The following SOS2 variants were observed in gnomAD, a reference collection of about 807,000 sequenced individuals.
SOS2 encodes son of sevenless homolog 2.
Under a neutral mutation model 148.2 loss-of-function variants are expected in SOS2, and 65 were observed. The observed-to-expected ratio is 0.44, with a 90% confidence interval of 0.36 to 0.54. The LOEUF (loss-of-function observed/expected upper bound fraction) is 0.54. Ranked by LOEUF, SOS2 falls within the 20% of genes least tolerant of loss-of-function variation. SOS2 has a pLI of 0.00. For synonymous variants in SOS2, 539 were observed against 537.1 expected (o/e 1.00, Z -0.05); for missense variants, 1,341 against 1,590.2 (o/e 0.84, Z 2.67).
chr14:50,213,852 T>C (rs1436041462), intron 1 of SOS2, among the ~76,000 whole-genome samples: 17 of 148,858 alleles, frequency 1.1e-4, no homozygotes. Flanking sequence ...TTTGTGCCAC[T>C]GCACTCCAGT....
In SOS2 at chr14:50,150,228, T is replaced by A; in HGVS notation, c.2164A>T (p.Lys722Ter). The change falls in exon 14 of 23, where the codon AAA (lysine) becomes TAA (stop). Residue 722 changes from lysine (K) to a stop codon, truncating the protein, a stop_gained and splice_region_variant. Transcript: ENST00000216373. LOFTEE classifies it high-confidence loss of function. ...LESFISSVRG[K>*]AMKKWVESIA... The stretch of plus-strand genomic sequence containing the variant: ...GACTCTACCCATTTTTTCATAGCTT[T>A]CCCTGGAAAAAGAACACATAAAGAA... The A allele has an allele frequency of 6.3e-7, 1 of 1,596,164 alleles. No individual in the cohort carries two copies. The highest frequency in any genetic ancestry group is 1.1e-5 in the South Asian group (1 of 90,594).
chr14:50,169,564 T>A (rs936388497), intron 8 of SOS2, among the ~76,000 whole-genome samples: 2 of 151,832 alleles, frequency 1.3e-5, no homozygotes, highest in Non-Finnish European at 2.9e-5. Flanking sequence ...CACTTGAACC[T>A]GGGAGGCAGA....
At chr14:50,208,327 C>T (rs1231069212) in intron 1 of SOS2, among the ~76,000 whole-genome samples, 1 of 151,724 alleles carries the variant, frequency 6.6e-6, no homozygotes, top group Non-Finnish European at 1.5e-5. Context: ...TCTTTGTGAA[C>T]TTCTTTCATT....
chr14:50,219,959 A>T (rs940616118), intron 1 of SOS2, among the ~76,000 whole-genome samples: 1 of 151,790 alleles, frequency 6.6e-6, no homozygotes, highest in African/African-American at 2.4e-5. Context: ...GGCTCAAGTG[A>T]TCCTTCCACC....
chr14:50,189,850 A>ATT (rs67295878), intron 4 of SOS2, among the ~76,000 whole-genome samples: 1,770 of 126,244 alleles, frequency 0.014, 40 homozygotes, highest in African/African-American at 0.049. Flanking sequence ...TTTATTTTTT[A>ATT]TTTTTTTTTT....
chr14:50,176,624 A>G (rs1366870637), intron 7 of SOS2, among the ~76,000 whole-genome samples: 4 of 152,230 alleles, frequency 2.6e-5, no homozygotes, highest in Admixed American at 1.3e-4. Flanking sequence ...TAATTTCCTA[A>G]TAACTATAAG....
intron 8 of SOS2, among the ~76,000 whole-genome samples, chr14:50,162,826 C>G (rs536840737): frequency 6.6e-6 from 1 of 152,074 alleles, no homozygotes; most frequent in South Asian, 2.1e-4. Context: ...TTGTATTTCA[C>G]TCTCAGAAAG....
In SOS2 at chr14:50,117,919, CAA is replaced by C. The variant is rs1442848142; in HGVS notation, c.*423_*424del. 1 of 154,692 alleles carries C rather than the reference CAA, an allele frequency of 6.5e-6. No individual in the cohort carries two copies. The highest frequency in any genetic ancestry group is 1.4e-5 in the Non-Finnish European group (1 of 69,890). The allele number at this position is 154,692 out of a possible 1,614,324, so 9.6% of individuals were successfully genotyped here. A position where few individuals can be genotyped will look rare whatever the true frequency, so the allele number is the denominator to read the frequency against. On this transcript the variant is annotated 3_prime_UTR_variant, in exon 23 of 23. Transcript: ENST00000216373. The stretch of plus-strand genomic sequence containing the variant: ...CTAGAAGTAAAAACTAGAAGATGGT[CAA>C]AGAGGTTTAAAAATCAGTAACACCA...
At chr14:50,196,362 AC>A (rs1886310840) in intron 4 of SOS2, among the ~76,000 whole-genome samples, 1 of 152,238 alleles carries the variant, frequency 6.6e-6, no homozygotes, top group South Asian at 2.1e-4. Flanking sequence ...TATAATGCAC[AC>A]ATCAGAATAA....
At position 50,118,658 on chromosome 14, in the gene SOS2, T is replaced by C; in HGVS notation, c.3685A>G (p.Asn1229Asp). The change falls in exon 23 of 23, where the codon AAC becomes GAC. Residue 1229 changes from asparagine to aspartate, a missense_variant. By Grantham distance (23) the Asn-to-Asp change is conservative. This residue lies in a region of SOS2 where 354 missense variants were observed against 347.7 expected (regional missense o/e 1.02). Coordinates refer to ENST00000216373, the MANE Select transcript of SOS2 (RefSeq NM_006939.4). ...VPLRPPEHFI[N>D]CPFNLQPPPL... is the part of the protein sequence containing the mutation. The stretch of plus-strand genomic sequence containing the variant: ...GGTGGCTGAAGATTAAATGGACAGT[T>C]TATAAAGTGTTCTGGAGGCCGAAGG... 1 of 1,613,802 alleles carries C rather than the reference T, an allele frequency of 6.2e-7. No homozygotes were observed. The highest frequency in any genetic ancestry group is 1.1e-5 in the South Asian group (1 of 91,058).
intron 5 of SOS2, among the ~76,000 whole-genome samples, chr14:50,187,684 T>A (rs559903711): frequency 6.6e-6 from 1 of 152,156 alleles, no homozygotes; most frequent in African/African-American, 2.4e-5. Flanking sequence ...GCCAAACACA[T>A]AGACATGGAA....
At chr14:50,201,107 T>A (rs368740169) in intron 2 of SOS2, 23 bp from the exon 3 acceptor site, 27 of 1,607,886 alleles carry the variant, frequency 1.7e-5, no homozygotes, top group Non-Finnish European at 2.3e-5. Context: ...AGCAGAACCA[T>A]TGTAGTATTA....
intron 4 of SOS2, among the ~76,000 whole-genome samples, chr14:50,193,831 G>A (rs976540017): frequency 6.6e-6 from 1 of 150,974 alleles, no homozygotes; most frequent in Non-Finnish European, 1.5e-5. Flanking sequence ...TGCAACCTCC[G>A]CCTCCCAGGT....
At chr14:50,208,894 C>T (rs1047282021) in intron 1 of SOS2, among the ~76,000 whole-genome samples, 4 of 152,104 alleles carry the variant, frequency 2.6e-5, no homozygotes, top group Non-Finnish European at 5.9e-5. Flanking sequence ...TTTTGGGGTG[C>T]CCATATAACT....
At chr14:50,133,101 G>C (rs935667784) in intron 19 of SOS2, among the ~76,000 whole-genome samples, 6 of 151,990 alleles carry the variant, frequency 3.9e-5, no homozygotes, top group Non-Finnish European at 7.4e-5. Context: ...AAAATGGTTG[G>C]TATTAGCGCT....
chr14:50,178,751 G>A (rs1241886162), intron 7 of SOS2, among the ~76,000 whole-genome samples: 1 of 123,032 alleles, frequency 8.1e-6, no homozygotes, highest in Non-Finnish European at 1.7e-5. Flanking sequence ...TATATTTTTT[G>A]GAGACAGGGT....
intron 19 of SOS2, 92 bp downstream of exon 19, chr14:50,134,031 T>C: frequency 1.3e-6 from 1 of 757,442 alleles, no homozygotes. Flanking sequence ...GAACAGCCAT[T>C]CAATTACATT....
At position 50,119,659 on chromosome 14, in the gene SOS2, T is replaced by C. The variant is rs577869194; in HGVS notation, c.3489+616A>G. On this transcript the variant is annotated intron_variant, in intron 22 of 22. Coordinates refer to ENST00000216373, the MANE Select transcript of SOS2 (RefSeq NM_006939.4). ...CAAGTGATTCTCCTGCCTTAGCCTCTTGAGTAGCTGGGATTACAGGTGCCC... is the reference window on the plus strand; with the variant it reads ...CAAGTGATTCTCCTGCCTTAGCCTCCTGAGTAGCTGGGATTACAGGTGCCC... Among the ~76,000 whole-genome samples the C allele has an allele frequency of 2.8e-4, 43 of 151,704 alleles. 1 individual carries two copies. The highest frequency in any genetic ancestry group is 2.4e-3 in the Admixed American group (36 of 15,222).
chr14:50,180,829 T>C, intron 6 of SOS2, 147 bp from the exon 7 acceptor site: 1 of 468,924 alleles, frequency 2.1e-6, no homozygotes, highest in Non-Finnish European at 3.7e-6. Flanking sequence ...AGCAACAGAG[T>C]GAAACCCTGT....
Sources: gnomAD v4.1 joint callset for allele counts (sites outside exome capture counted in the v4.1 genomes callset) on GRCh38, gnomAD v4.1.1 for gene constraint, gnomAD v4.1.1 regional missense constraint, MANE v1.5 for transcripts, NCBI Gene and HGNC (gene_info 2026-07-23, HGNC 2026-07-21) for gene names.